MYOM2: variants seen among roughly 807,000 people sequenced by gnomAD.
MYOM2 encodes the protein myomesin 2.
Under a neutral mutation model 187.6 loss-of-function variants are expected in MYOM2, and 254 were observed. The observed-to-expected ratio is 1.35, with a 90% CI of 1.22 to 1.50. MYOM2 has a LOEUF of 1.50. MYOM2 is among the 40% of genes most tolerant of loss of function. MYOM2 has a pLI of 0.00. For synonymous variants in MYOM2, 981 were observed against 753.8 expected, an observed-to-expected ratio of 1.30 and a Z score of -4.94; for missense variants, 2,796 against 1,924.0, an observed-to-expected ratio of 1.45 and a Z score of -8.48.
intron 6 of MYOM2, among the ~76,000 whole-genome samples, chr8:2,065,662 C>T (rs1006602361): frequency 2.6e-5 from 4 of 152,280 alleles, no homozygotes; most frequent in African/African-American, 4.8e-5. Context: ...CTATTCTTCT[C>T]ATTGCCCAAT....
intron 31 of MYOM2, 86 bp from the exon 32 acceptor site, chr8:2,129,041 C>G (rs905405470): frequency 1.1e-6 from 1 of 913,590 alleles, no homozygotes; most frequent in Non-Finnish European, 1.8e-6. Flanking sequence ...CAGGTGGGGA[C>G]AGGAGGGCTT....
intron 23 of MYOM2, among the ~76,000 whole-genome samples, chr8:2,107,105 A>G (rs1796918510): frequency 6.6e-6 from 1 of 152,122 alleles, no homozygotes; most frequent in South Asian, 2.1e-4. Flanking sequence ...AAGGGGAAAA[A>G]CAATAGTTTT....
At position 2,123,150 on chromosome 8, in the gene MYOM2, T is replaced by G. The variant is rs1172939070; in HGVS notation, c.3454-102T>G. On this transcript the variant is annotated intron_variant, in intron 28 of 36. Coordinates refer to ENST00000262113, the MANE Select transcript of MYOM2 (RefSeq NM_003970.4). ...AGACTGTCTATAGTAAAAACTAAGGTTTTTTGAGGGGGGGGCTCTGTGATT... is the reference window on the plus strand; with the variant it reads ...AGACTGTCTATAGTAAAAACTAAGGGTTTTTGAGGGGGGGGCTCTGTGATT... The G allele has an allele frequency of 8.0e-6, 6 of 745,860 alleles. No homozygotes were observed. In the African/African-American group the frequency reaches 1.1e-4, roughly 13 times the overall value. The allele number at this position is 745,860 out of a possible 1,614,324, so 46.2% of individuals were successfully genotyped here. A position where few individuals can be genotyped will look rare whatever the true frequency, so the allele number is the denominator to read the frequency against.
chr8:2,123,221 A>G lies in MYOM2; in HGVS notation c.3454-31A>G, dbSNP rs565190015. ...TTTTTCTCATGAGTCAGAATGATTT[A>G]CACACTAAACTTAAGCTTTCTACCT... is the stretch of plus-strand genomic sequence containing the variant. On this transcript the variant is annotated intron_variant, in intron 28 of 36. Coordinates refer to ENST00000262113, the MANE Select transcript of MYOM2 (RefSeq NM_003970.4). The G allele has an allele frequency of 1.4e-5, 19 of 1,393,978 alleles. No individual in the cohort carries two copies. The South Asian group carries it at 1.7e-4, about 12-fold the overall frequency. The allele number at this position is 1,393,978 out of a possible 1,614,324, so 86.4% of individuals were successfully genotyped here. A position where few individuals can be genotyped will look rare whatever the true frequency, so the allele number is the denominator to read the frequency against.
chr8:2,144,975 C>T lies in MYOM2; in HGVS notation c.4392C>T (p.Gly1464=), dbSNP rs770383108. 4 of 1,613,234 alleles carry T rather than the reference C, an allele frequency of 2.5e-6. No individual in the cohort carries two copies. In the African/African-American group the frequency reaches 4.0e-5, roughly 16 times the overall value. ...TCCCCGCGTCTGCCTCAGCGGCAGG[C>T]CAGTGAAGGCGTTTTCCTAGCCTGG... ...KLIPASASAA[G]Q The change falls in exon 37 of 37, where the codon GGC becomes GGT. Residue 1464 remains glycine, a synonymous_variant. Coordinates refer to ENST00000262113, the MANE Select transcript of MYOM2 (RefSeq NM_003970.4).
chr8:2,124,077 C>T, intron 30 of MYOM2, 102 bp from the exon 31 acceptor site: 2 of 1,170,656 alleles, frequency 1.7e-6, no homozygotes, highest in Non-Finnish European at 2.5e-6. Flanking sequence ...CATTTTTCAA[C>T]TGAACATCAC....
chr8:2,090,843 C>T (rs1384411774), intron 15 of MYOM2, among the ~76,000 whole-genome samples: 2 of 152,124 alleles, frequency 1.3e-5, no homozygotes, highest in African/African-American at 2.4e-5. Flanking sequence ...TATATATGTA[C>T]TGCATTTTCT....
intron 32 of MYOM2, 30 bp from the exon 33 acceptor site, chr8:2,140,693 C>T (rs1435127845): frequency 6.2e-7 from 1 of 1,610,908 alleles, no homozygotes; most frequent in Non-Finnish European, 8.5e-7. Context: ...GAGACCCTAA[C>T]TCAGATACGT....
intron 1 of MYOM2, among the ~76,000 whole-genome samples, chr8:2,048,411 C>G (rs976632511): frequency 1.3e-5 from 2 of 152,254 alleles, no homozygotes; most frequent in Admixed American, 6.5e-5. Context: ...CCTTGATTAA[C>G]TCATTGGAAA....
rs771740621 is a variant in MYOM2, at chr8:2,057,470, A to C, written c.386A>C (p.Tyr129Ser). 1 of 1,614,024 alleles carries C rather than the reference A, an allele frequency of 6.2e-7. No individual in the cohort carries two copies. Among genetic ancestry groups the C allele is most frequent in the Non-Finnish European group, 8.5e-7 (1 of 1,179,966 alleles). The change falls in exon 4 of 37, where the codon TAC (tyrosine) becomes TCC (serine). Residue 129 changes from tyrosine to serine, a missense_variant. Coordinates refer to ENST00000262113, the MANE Select transcript of MYOM2 (RefSeq NM_003970.4). ...CAGGCCCGCGACAAGCTGGACAAAT[A>C]CGCCATTCAGCAGATGGTAGGAGGG... is the stretch of plus-strand genomic sequence containing the variant. ...RSQARDKLDK[Y>S]AIQQMMEDKL...
intron 21 of MYOM2, among the ~76,000 whole-genome samples, chr8:2,104,382 C>T (rs1796822535): frequency 6.6e-6 from 1 of 152,006 alleles, no homozygotes; most frequent in African/African-American, 2.4e-5. Context: ...GCGGGCGGAT[C>T]ACGAGGTCAG....
intron 32 of MYOM2, among the ~76,000 whole-genome samples, chr8:2,131,451 G>C (rs970016305): frequency 6.6e-6 from 1 of 151,872 alleles, no homozygotes; most frequent in Non-Finnish European, 1.5e-5. Context: ...GTGGGTCCTA[G>C]ATAGGCAGGC....
intron 33 of MYOM2, 37 bp downstream of exon 33, chr8:2,140,923 A>G (rs369874934): frequency 6.4e-6 from 10 of 1,565,548 alleles, no homozygotes; most frequent in Admixed American, 3.6e-5. Context: ...ATAATTTCCT[A>G]TTTAGAAATC....
chr8:2,113,107 C>T (rs560124703), intron 25 of MYOM2, among the ~76,000 whole-genome samples: 189 of 152,296 alleles, frequency 1.2e-3, no homozygotes, highest in Admixed American at 2.2e-3. Context: ...CTGAGACTAC[C>T]GTATTGGTAA....
rs563443631 is a variant in MYOM2 at position 2,045,729 on chromosome 8, T to C, written c.-13+561T>C. Among the ~76,000 whole-genome samples the C allele has an allele frequency of 1.2e-4, 19 of 152,352 alleles. No individual in the cohort carries two copies. In the South Asian group the frequency reaches 3.7e-3, roughly 30 times the overall value. ...AGCGTTCTTACGGCTGTTTTCTTCT[T>C]TGTGCTGTTGGGTGTGTTGTGACCC... On this transcript the variant is annotated intron_variant, in intron 1 of 36. Coordinates refer to ENST00000262113, the MANE Select transcript of MYOM2 (RefSeq NM_003970.4).
In MYOM2 at chr8:2,072,451, C is replaced by G. The variant is rs375567302; in HGVS notation, c.900C>G (p.Thr300=). ...GCGAGACGGTCACTCTCAAGTGCAC[C>G]ATGCTGGTGACGCCGGACCTGAAGC... is the stretch of plus-strand genomic sequence containing the variant. The part of the protein sequence containing the change: ...REGETVTLKC[T]MLVTPDLKRV... The change falls in exon 9 of 37, where the codon ACC becomes ACG. Residue 300 remains threonine, a synonymous_variant. Coordinates refer to ENST00000262113, the MANE Select transcript of MYOM2 (RefSeq NM_003970.4). 1.9e-6 allele frequency: 3 copies of G among 1,614,132 alleles called. No homozygotes were observed. Among genetic ancestry groups the G allele is most frequent in the East Asian group, 2.2e-5 (1 of 44,864 alleles).
chr8:2,048,953 T>A (rs955291383), intron 1 of MYOM2, among the ~76,000 whole-genome samples: 1 of 151,824 alleles, frequency 6.6e-6, no homozygotes, highest in Non-Finnish European at 1.5e-5. Context: ...CCATTCTGGC[T>A]AATTTTTTGT....
At chr8:2,138,714 T>C (rs1798168125) in intron 32 of MYOM2, among the ~76,000 whole-genome samples, 1 of 152,088 alleles carries the variant, frequency 6.6e-6, no homozygotes, top group South Asian at 2.1e-4. Flanking sequence ...TCAGTTATGT[T>C]CCAAAGTCGC....
chr8:2,048,070 T>C (rs558037780), intron 1 of MYOM2, among the ~76,000 whole-genome samples: 1 of 152,362 alleles, frequency 6.6e-6, no homozygotes, highest in South Asian at 2.1e-4. Flanking sequence ...TTTGACCTAA[T>C]AGGTCACATT....
Sources: gnomAD v4.1 joint callset for allele counts (sites outside exome capture counted in the v4.1 genomes callset) on GRCh38, gnomAD v4.1.1 for gene constraint, MANE v1.5 for transcripts, NCBI Gene and HGNC (gene_info 2026-07-23, HGNC 2026-07-21) for gene names.